Variants in SMARCC1 observed in about 807,000 individuals in gnomAD.
SMARCC1 encodes the protein SWI/SNF related BAF chromatin remodeling complex subunit C1.
A neutral mutation model predicts 147.4 loss-of-function variants in SMARCC1; 43 were observed. That is an observed-to-expected ratio of 0.29 (90% confidence interval 0.23 to 0.38). SMARCC1 has a LOEUF of 0.38. SMARCC1 is among the 10% of genes least tolerant of loss of function. The pLI, the probability that SMARCC1 is intolerant of heterozygous loss-of-function variation, is 1.00. For missense variants in SMARCC1, 1,119 were observed against 1,381.1 expected, an observed-to-expected ratio of 0.81 and a Z score of 3.01; for synonymous variants, 495 against 484.4, an observed-to-expected ratio of 1.02 and a Z score of -0.29.
intron 14 of SMARCC1, among the ~76,000 whole-genome samples, chr3:47,682,243 C>T (rs1195813883): frequency 6.8e-6 from 1 of 147,200 alleles, no homozygotes; most frequent in East Asian, 2.0e-4. Context: ...TGCAGTGAGC[C>T]GATATCGCGC....
chr3:47,661,564 C>A (rs754975867), intron 20 of SMARCC1, 109 bp from the exon 21 acceptor site: 23 of 774,688 alleles, frequency 3.0e-5, no homozygotes, highest in Non-Finnish European at 4.7e-5. Flanking sequence ...TTAGGTGTAG[C>A]AACCTCTTCA....
At chr3:47,773,203 C>T (rs1383212820) in intron 1 of SMARCC1, among the ~76,000 whole-genome samples, 9 of 151,956 alleles carry the variant, frequency 5.9e-5, no homozygotes, top group Non-Finnish European at 1.0e-4. Context: ...TCTCGGCTCA[C>T]TGCAACCTCT....
At chr3:47,653,805 T>G (rs755905509) in intron 21 of SMARCC1, among the ~76,000 whole-genome samples, 9 of 152,330 alleles carry the variant, frequency 5.9e-5, no homozygotes, top group African/African-American at 2.2e-4. Flanking sequence ...CTGCAATTAG[T>G]GAGTACAGAA....
intron 9 of SMARCC1, among the ~76,000 whole-genome samples, chr3:47,708,652 A>C (rs1189029231): frequency 6.6e-6 from 1 of 152,196 alleles, no homozygotes; most frequent in East Asian, 1.9e-4. Flanking sequence ...AGGTTAAAAT[A>C]AGAGAATATG....
chr3:47,710,526 C>T (rs371632798), intron 9 of SMARCC1, among the ~76,000 whole-genome samples, 157 bp downstream of exon 9: 3 of 152,036 alleles, frequency 2.0e-5, no homozygotes, highest in Non-Finnish European at 4.4e-5. Flanking sequence ...ATGGCTATTA[C>T]AGCCACTTTG....
rs762399509 is a variant in SMARCC1 at position 47,778,210 on chromosome 3, CA to C, written c.195+3392del. ...CATCTCAAAAAAAAAAAACAAAAAA[CA>C]AAAAACAAAAAAAACACTGACTCCT... On this transcript the variant is annotated intron_variant, in intron 1 of 27. Coordinates refer to ENST00000254480, the MANE Select transcript of SMARCC1 (RefSeq NM_003074.4). Among the ~76,000 whole-genome samples the C allele has an allele frequency of 3.9e-5, 5 of 127,040 alleles. 1 individual carries two copies. The highest frequency in any genetic ancestry group is 1.6e-4 in the African/African-American group (5 of 31,990). 83.3% of individuals were successfully genotyped at this position (127,040 alleles called of 152,430 possible). A position where few individuals can be genotyped will look rare whatever the true frequency, so the allele number is the denominator to read the frequency against.
intron 19 of SMARCC1, among the ~76,000 whole-genome samples, chr3:47,669,068 G>A (rs1040641008): frequency 5.3e-5 from 8 of 152,176 alleles, no homozygotes; most frequent in Admixed American, 4.6e-4. Context: ...GAAGATGTTA[G>A]TGGTAAACAC....
chr3:47,619,388 T>C (rs962311921), intron 25 of SMARCC1, among the ~76,000 whole-genome samples: 2 of 152,214 alleles, frequency 1.3e-5, no homozygotes, highest in African/African-American at 4.8e-5. Flanking sequence ...TCAAAAAGTA[T>C]ATACTCTGGT....
At chr3:47,713,403 G>A (rs2034115884) in intron 8 of SMARCC1, among the ~76,000 whole-genome samples, 1 of 152,046 alleles carries the variant, frequency 6.6e-6, no homozygotes, top group East Asian at 1.9e-4. Context: ...GCTTTGTTTT[G>A]TACTACTCTT....
At chr3:47,745,791 G>A (rs1041911556) in intron 3 of SMARCC1, 117 bp downstream of exon 3, 8 of 547,992 alleles carry the variant, frequency 1.5e-5, no homozygotes, top group Non-Finnish European at 2.6e-5. Flanking sequence ...GGTAAATTAG[G>A]GCTCTTGGTA....
At chr3:47,759,239 C>T (rs1266705929) in intron 2 of SMARCC1, among the ~76,000 whole-genome samples, 1 of 151,370 alleles carries the variant, frequency 6.6e-6, no homozygotes, top group South Asian at 2.1e-4. Context: ...TCTTGAACTC[C>T]TGGACTCAAG....
At chr3:47,626,307 C>A (rs1037809838) in intron 24 of SMARCC1, among the ~76,000 whole-genome samples, 1 of 151,502 alleles carries the variant, frequency 6.6e-6, no homozygotes, top group East Asian at 1.9e-4. Context: ...CCACCAAGCC[C>A]GGCTAATTTT....
At chr3:47,717,964 A>G (rs1363970550) in intron 7 of SMARCC1, among the ~76,000 whole-genome samples, 1 of 151,746 alleles carries the variant, frequency 6.6e-6, no homozygotes, top group East Asian at 1.9e-4. Flanking sequence ...GACCAGCCTG[A>G]ACAACATACA....
intron 2 of SMARCC1, among the ~76,000 whole-genome samples, chr3:47,760,369 T>TGTTAAGTCATGGGCCAGAGGGA (rs2034759516): frequency 6.6e-6 from 1 of 151,870 alleles, no homozygotes; most frequent in South Asian, 2.1e-4. Flanking sequence ...GCTTCAAAAA[T>TGTTAAGTCATGGGCCAGAGGGA]GTTAAGTCAT....
At chr3:47,683,065 C>A (rs570475417) in intron 14 of SMARCC1, among the ~76,000 whole-genome samples, 174 of 152,262 alleles carry the variant, frequency 1.1e-3, no homozygotes, top group Admixed American at 2.5e-3. Context: ...TGTTTTGAGA[C>A]GGAGTCTCGC....
At chr3:47,712,414 C>CT (rs879504325) in intron 8 of SMARCC1, among the ~76,000 whole-genome samples, 28 of 147,668 alleles carry the variant, frequency 1.9e-4, no homozygotes, top group East Asian at 9.8e-4. Context: ...ACATTGCTTC[C>CT]TTTTTTTTTT....
rs1245879725 is a variant in SMARCC1, at chr3:47,686,168, T to G, written c.1266A>C (p.Glu422Asp). 6.2e-7 allele frequency: 1 copy of G among 1,611,312 alleles called. No homozygotes were observed. Among genetic ancestry groups the G allele is most frequent in the African/African-American group, 1.3e-5 (1 of 74,860 alleles). ...GATCACCTTTGGCAGGATCTTCATC[T>G]TCCTATAGAAAAGAAGACAAAGTTC... is the stretch of plus-strand genomic sequence containing the variant. ...DEETVTAGGK[E>D]DEDPAKGDQS... The change falls in exon 14 of 28, where the codon GAA becomes GAC. Residue 422 changes from glutamate to aspartate, a missense_variant and splice_region_variant. This residue lies in a region of SMARCC1 where 542 missense variants were observed against 611.8 expected (regional missense o/e 0.89). Transcript: ENST00000254480.
chr3:47,707,043 G>A (rs2034001848), intron 9 of SMARCC1, among the ~76,000 whole-genome samples: 1 of 152,190 alleles, frequency 6.6e-6, no homozygotes. Context: ...GGGTGCCATG[G>A]CTCATGCCTG....
intron 16 of SMARCC1, 48 bp from the exon 17 acceptor site, chr3:47,676,830 G>C: frequency 6.6e-7 from 1 of 1,522,474 alleles, no homozygotes; most frequent in Non-Finnish European, 9.1e-7. Flanking sequence ...TCAACTTCAT[G>C]TGCTTTTACT....
Sources: gnomAD v4.1 joint callset for allele counts (sites outside exome capture counted in the v4.1 genomes callset) on GRCh38, gnomAD v4.1.1 for gene constraint, gnomAD v4.1.1 regional missense constraint, MANE v1.5 for transcripts, NCBI Gene and HGNC (gene_info 2026-07-23, HGNC 2026-07-21) for gene names.